The following MYO5A variants were observed in gnomAD, a reference collection of about 807,000 sequenced individuals.
The protein encoded by MYO5A is myosin VA.
A neutral mutation model predicts 249.7 loss-of-function variants in MYO5A; 98 were observed. The observed-to-expected ratio is 0.39, with a 90% CI of 0.33 to 0.46. The LOEUF is 0.46. Ranked by LOEUF, MYO5A falls within the 20% of genes least tolerant of loss-of-function variation. The pLI is 0.98. For missense variants in MYO5A, 1,696 were observed against 2,308.8 expected, an observed-to-expected ratio of 0.73 and a Z score of 5.44; for synonymous variants, 778 against 810.6, an observed-to-expected ratio of 0.96 and a Z score of 0.68.
At chr15:52,328,314 C>A (rs914532548) in intron 35 of MYO5A, among the ~76,000 whole-genome samples, 4 of 152,200 alleles carry the variant, frequency 2.6e-5, no homozygotes, top group African/African-American at 9.7e-5. Context: ...AAACCAAATT[C>A]TTGCTTCTCT....
chr15:52,449,773 GA>G (rs1187174729), intron 1 of MYO5A, among the ~76,000 whole-genome samples: 2 of 152,184 alleles, frequency 1.3e-5, no homozygotes. Flanking sequence ...GCCAAAGGAG[GA>G]GGACTGCTTG....
At chr15:52,355,319 C>T (rs531886556) in intron 25 of MYO5A, among the ~76,000 whole-genome samples, 2 of 152,226 alleles carry the variant, frequency 1.3e-5, no homozygotes, top group African/African-American at 2.4e-5. Context: ...AATATTCCCC[C>T]CCAAAAAAAC....
chr15:52,364,440 C>A, intron 24 of MYO5A, 114 bp downstream of exon 24: 1 of 976,728 alleles, frequency 1.0e-6, no homozygotes. Flanking sequence ...GTTGAACATT[C>A]TGGAACTGGG....
intron 4 of MYO5A, among the ~76,000 whole-genome samples, chr15:52,419,862 T>C (rs1046949788): frequency 6.6e-6 from 1 of 152,226 alleles, no homozygotes; most frequent in African/African-American, 2.4e-5. Flanking sequence ...TAATATATAC[T>C]GTATTTTATT....
chr15:52,347,001 G>T (rs764746252), intron 29 of MYO5A, among the ~76,000 whole-genome samples: 1 of 151,584 alleles, frequency 6.6e-6, no homozygotes, highest in Non-Finnish European at 1.5e-5. Flanking sequence ...GCAAAATTAA[G>T]TTTTTTTTCT....
chr15:52,339,373 A>G (rs2039274690), intron 32 of MYO5A, among the ~76,000 whole-genome samples: 1 of 152,192 alleles, frequency 6.6e-6, no homozygotes, highest in African/African-American at 2.4e-5. Context: ...AAATCGGGCT[A>G]GCACTACAAT....
At chr15:52,424,542 T>A (rs1173910915) in intron 4 of MYO5A, among the ~76,000 whole-genome samples, 2 of 152,172 alleles carry the variant, frequency 1.3e-5, no homozygotes, top group Non-Finnish European at 2.9e-5. Context: ...CATATTAATA[T>A]TATTTTATTA....
chr15:52,519,737 G>T (rs185600454), intron 1 of MYO5A, among the ~76,000 whole-genome samples: 59 of 151,668 alleles, frequency 3.9e-4, no homozygotes, highest in African/African-American at 1.4e-3. Flanking sequence ...ACGCTCCATG[G>T]CTTTTTTTTT....
intron 11 of MYO5A, among the ~76,000 whole-genome samples, chr15:52,395,951 T>C (rs2042468784): frequency 6.6e-6 from 1 of 152,236 alleles, no homozygotes; most frequent in African/African-American, 2.4e-5. Flanking sequence ...CTTGCTAATA[T>C]AGCAAGTAAG....
intron 41 of MYO5A, 75 bp downstream of exon 41, chr15:52,314,048 A>G: frequency 7.3e-7 from 1 of 1,369,738 alleles, no homozygotes; most frequent in Non-Finnish European, 1.0e-6. Flanking sequence ...ATAACACATT[A>G]TCCTTCAATA....
At chr15:52,315,805 C>A (rs951517724) in intron 40 of MYO5A, among the ~76,000 whole-genome samples, 2 of 151,374 alleles carry the variant, frequency 1.3e-5, no homozygotes, top group African/African-American at 4.9e-5. Flanking sequence ...GTGCCTGCCA[C>A]CATGCCCGGC....
intron 16 of MYO5A, 124 bp downstream of exon 16, chr15:52,382,967 C>CA: frequency 1.2e-6 from 1 of 803,026 alleles, no homozygotes. Flanking sequence ...CTCTACAAGG[C>CA]ATGAAGACTT....
intron 25 of MYO5A, among the ~76,000 whole-genome samples, chr15:52,357,391 C>G (rs1420960474): frequency 7.0e-6 from 1 of 141,972 alleles, no homozygotes; most frequent in Non-Finnish European, 1.5e-5. Flanking sequence ...TGAATGGGCA[C>G]TTTTTGTTTA....
At chr15:52,519,012 T>C (rs56017964) in intron 1 of MYO5A, among the ~76,000 whole-genome samples, 22,815 of 151,988 alleles carry the variant, frequency 0.15, 1,822 homozygotes, top group Middle Eastern at 0.22. Flanking sequence ...TAACAGGGCA[T>C]AAGGGGTGGG....
At chr15:52,442,059 G>C (rs953999395) in intron 1 of MYO5A, among the ~76,000 whole-genome samples, 1 of 152,176 alleles carries the variant, frequency 6.6e-6, no homozygotes. Flanking sequence ...AGGAAAAAGA[G>C]CTAGGCATGT....
rs1366384294 is a variant in MYO5A, at chr15:52,379,840, G to A, written c.2081C>T (p.Ala694Val). 8 of 1,614,094 alleles carry A rather than the reference G, an allele frequency of 5.0e-6. No individual in the cohort carries two copies. Among genetic ancestry groups the A allele is most frequent in the Non-Finnish European group, 5.9e-6 (7 of 1,180,012 alleles). ...GGCTCACCGTGAGGGGAAACCGGCC[G>A]CACTGATTCGGATGGTTTCCAGGAC... is the stretch of plus-strand genomic sequence containing the variant. ...CGVLETIRISAAGFPSRWTYQ... is the reference protein window; with the variant it reads ...CGVLETIRISVAGFPSRWTYQ... Residue 694 changes from alanine to valine, a missense_variant, in exon 17 of 42, where the codon GCG becomes GTG. Ala to Val is a moderately conservative substitution (Grantham distance 64). Coordinates refer to ENST00000399233, the MANE Select transcript of MYO5A (RefSeq NM_001382347.1).
At chr15:52,427,169 GA>G (rs1427226993) in intron 3 of MYO5A, among the ~76,000 whole-genome samples, 4 of 151,864 alleles carry the variant, frequency 2.6e-5, no homozygotes, top group African/African-American at 9.7e-5. Flanking sequence ...TATTTCCTAA[GA>G]ATTTTTCTGT....
chr15:52,431,548 G>A (rs566979840), intron 2 of MYO5A, among the ~76,000 whole-genome samples: 8 of 152,106 alleles, frequency 5.3e-5, no homozygotes, highest in Admixed American at 3.3e-4. Context: ...GAGAAGTGGT[G>A]TCATCTCAAT....
At chr15:52,318,069 C>T (rs1221831487) in intron 39 of MYO5A, among the ~76,000 whole-genome samples, 1 of 152,142 alleles carries the variant, frequency 6.6e-6, no homozygotes, top group Non-Finnish European at 1.5e-5. Flanking sequence ...TTGAAAAGAA[C>T]ACTAACAGTT....
Sources: allele counts gnomAD v4.1 joint callset (sites outside exome capture counted in the v4.1 genomes callset), GRCh38; gene constraint gnomAD v4.1.1; transcripts MANE v1.5; gene names NCBI Gene and HGNC (gene_info 2026-07-23, HGNC 2026-07-21).